Variants in CDH10 observed in about 807,000 individuals in gnomAD.
CDH10 encodes the protein cadherin 10.
Under a neutral mutation model 73.1 loss-of-function variants are expected in CDH10, and 30 were observed. The ratio of observed to expected loss-of-function variants is 0.41; its 90% confidence interval spans 0.31 to 0.56. The LOEUF (loss-of-function observed/expected upper bound fraction) is 0.56, where lower values mean the gene tolerates loss of function less well. CDH10 is among the 20% of genes least tolerant of loss of function. The probability of loss-of-function intolerance (pLI) is 0.27; values close to 1 mark genes in which losing one functional copy is unlikely to be tolerated. For missense variants in CDH10, 815 were observed against 973.7 expected (o/e 0.84, Z 2.17); for synonymous variants, 345 against 348.2 (o/e 0.99, Z 0.10).
rs1579735242 is a variant in CDH10 at position 24,509,189 on chromosome 5, A to T, written c.1256+377T>A. Among the ~76,000 whole-genome samples the T allele has an allele frequency of 4.2e-5, 5 of 118,598 alleles. No individual in the cohort carries two copies. In the South Asian group the frequency reaches 1.1e-3, roughly 26 times the overall value. The allele number at this position is 118,598 out of a possible 152,430, so 77.8% of individuals were successfully genotyped here. ...TTTCTTGATCTGTATATGTATTTCA[A>T]CTGCTTTTTTTTTTTTTTTCATTTT... On this transcript the variant is annotated intron_variant, in intron 7 of 11. Coordinates refer to ENST00000264463, the MANE Select transcript of CDH10 (RefSeq NM_006727.5).
intron 2 of CDH10, among the ~76,000 whole-genome samples, chr5:24,592,669 G>A (rs1505877): frequency 0.55 from 84,012 of 151,418 alleles, 23,771 homozygotes; most frequent in East Asian, 0.7. Flanking sequence ...TCATATTGCA[G>A]TAGCTAAACT....
intron 2 of CDH10, among the ~76,000 whole-genome samples, chr5:24,581,818 T>G (rs1336633426): frequency 6.6e-6 from 1 of 152,212 alleles, no homozygotes; most frequent in Non-Finnish European, 1.5e-5. Context: ...ATTGTGTTTA[T>G]TTCATTATTT....
rs187962575 is a variant in CDH10, at chr5:24,599,060, G to A, written c.-123-5447C>T. ...TCCAAGAGTTCTTGCTACTCTCTGA[G>A]CAACCTTTTTAACTCAGCAGCAAAT... On this transcript the variant is annotated intron_variant, in intron 1 of 11. Transcript: ENST00000264463. Among the ~76,000 whole-genome samples, 251 of 152,200 alleles carry A rather than the reference G, an allele frequency of 1.6e-3. 2 individuals are homozygous for A. The highest frequency in any genetic ancestry group is 5.0e-3 in the Admixed American group (77 of 15,274).
At chr5:24,585,138 AC>A (rs1216654988) in intron 2 of CDH10, among the ~76,000 whole-genome samples, 1 of 151,864 alleles carries the variant, frequency 6.6e-6, no homozygotes, top group East Asian at 2.0e-4. Context: ...GAGCCACTGC[AC>A]CCGGCCCACT....
intron 5 of CDH10, among the ~76,000 whole-genome samples, chr5:24,526,563 C>A (rs1202287749): frequency 6.6e-6 from 1 of 151,794 alleles, no homozygotes; most frequent in African/African-American, 2.4e-5. Context: ...TTCAACTAAA[C>A]ACTTCCGGTA....
chr5:24,542,368 C>A lies in CDH10; in HGVS notation c.232-4694G>T, dbSNP rs190399389. ...ACATTTCAATGACAGATTGCATAGA[C>A]AACAGCAGTCCCATAAGTTTATAAT... On this transcript the variant is annotated intron_variant, in intron 2 of 11. Transcript: ENST00000264463. Among the ~76,000 whole-genome samples, 14 of 152,248 alleles carry A rather than the reference C, an allele frequency of 9.2e-5. No individual in the cohort carries two copies. The East Asian group carries it at 2.5e-3, about 27-fold the overall frequency.
chr5:24,494,179 A>T (rs1431844258), intron 9 of CDH10, among the ~76,000 whole-genome samples: 1 of 151,948 alleles, frequency 6.6e-6, no homozygotes, highest in African/African-American at 2.4e-5. Flanking sequence ...CAACATAATT[A>T]TTTGACTAAA....
At position 24,537,411 on chromosome 5, in the gene CDH10, A is replaced by G; in HGVS notation, c.495T>C (p.Tyr165=). ...DNEPTFPEEI[Y]TASVPEMSVV... ...CAGACATTTCGGGAACACTAGCTGT[A>G]TAGATTTCTTCTGGGAACGTTGGCT... Residue 165 remains tyrosine, a synonymous_variant, in exon 3 of 12, where the codon TAT becomes TAC. Transcript: ENST00000264463. 6.2e-7 allele frequency: 1 copy of G among 1,612,390 alleles called. No homozygotes were observed. The highest frequency in any genetic ancestry group is 8.5e-7 in the Non-Finnish European group (1 of 1,178,786).
At chr5:24,528,951 G>T (rs1317400347) in intron 5 of CDH10, among the ~76,000 whole-genome samples, 1 of 151,912 alleles carries the variant, frequency 6.6e-6, no homozygotes, top group African/African-American at 2.4e-5. Flanking sequence ...AAAAGGGGTA[G>T]ATTTATGTTG....
intron 2 of CDH10, among the ~76,000 whole-genome samples, chr5:24,554,741 C>T (rs10037982): frequency 0.09 from 13,643 of 152,022 alleles, 1,424 homozygotes; most frequent in African/African-American, 0.25. Context: ...TGTAAAAGAT[C>T]TTATCCTTGT....
At chr5:24,631,656 T>C (rs911850555) in intron 1 of CDH10, among the ~76,000 whole-genome samples, 1 of 151,888 alleles carries the variant, frequency 6.6e-6, no homozygotes. Context: ...ACTCCAATCA[T>C]ATCGCAAGCA....
At chr5:24,515,108 A>T (rs1383787524) in intron 5 of CDH10, among the ~76,000 whole-genome samples, 2 of 152,206 alleles carry the variant, frequency 1.3e-5, no homozygotes, top group Non-Finnish European at 2.9e-5. Flanking sequence ...AAAGAATAAA[A>T]TTAAAAATAA....
intron 1 of CDH10, among the ~76,000 whole-genome samples, chr5:24,642,229 G>T (rs1748076774): frequency 6.6e-6 from 1 of 152,102 alleles, no homozygotes; most frequent in Admixed American, 6.6e-5. Flanking sequence ...CTAGTGGAAT[G>T]ATTTGGTATA....
chr5:24,562,235 C>G (rs1461431469), intron 2 of CDH10, among the ~76,000 whole-genome samples: 1 of 151,970 alleles, frequency 6.6e-6, no homozygotes, highest in African/African-American at 2.4e-5. Context: ...ATGCCATGTT[C>G]AAATTATACA....
intron 2 of CDH10, among the ~76,000 whole-genome samples, chr5:24,557,758 G>A (rs1018994318): frequency 2.0e-5 from 3 of 151,660 alleles, no homozygotes; most frequent in Non-Finnish European, 4.4e-5. Context: ...ATTGTATTAC[G>A]ATGTTCCAAT....
intron 1 of CDH10, among the ~76,000 whole-genome samples, chr5:24,608,356 G>T (rs12187373): frequency 1.3e-5 from 2 of 152,016 alleles, no homozygotes; most frequent in South Asian, 2.1e-4. Flanking sequence ...GTAGTGGCGC[G>T]ATCTTGGCTC....
chr5:24,553,333 A>T (rs1479933452), intron 2 of CDH10, among the ~76,000 whole-genome samples: 1 of 152,120 alleles, frequency 6.6e-6, no homozygotes, highest in African/African-American at 2.4e-5. Flanking sequence ...AGGCCCTTTC[A>T]GTCTGCAGTC....
intron 7 of CDH10, 99 bp downstream of exon 7, chr5:24,509,467 C>T (rs2111748188): frequency 2.9e-6 from 3 of 1,039,368 alleles, no homozygotes; most frequent in Non-Finnish European, 4.3e-6. Flanking sequence ...TCTCGAACTC[C>T]TGACCTCGTG....
intron 2 of CDH10, among the ~76,000 whole-genome samples, chr5:24,566,102 G>T (rs1745156865): frequency 1.3e-5 from 2 of 152,114 alleles, no homozygotes; most frequent in African/African-American, 4.8e-5. Context: ...AGGCTGGAGT[G>T]GAGTGGTGCG....
Sources: allele counts gnomAD v4.1 joint callset (sites outside exome capture counted in the v4.1 genomes callset), GRCh38; gene constraint gnomAD v4.1.1; transcripts MANE v1.5; gene names NCBI Gene and HGNC (gene_info 2026-07-23, HGNC 2026-07-21).